Variants in FBXO9 observed in about 807,000 individuals in gnomAD.
The protein encoded by FBXO9 is F-box only protein 9.
Under a neutral mutation model 63.7 loss-of-function variants are expected in FBXO9, and 43 were observed. That is an observed-to-expected ratio of 0.67 (90% CI 0.53 to 0.87). The LOEUF is 0.87. Ranked by LOEUF, FBXO9 falls within the 40% of genes least tolerant of loss-of-function variation. FBXO9 has a pLI of 0.00. For synonymous variants in FBXO9, 156 were observed against 171.7 expected, an observed-to-expected ratio of 0.91 and a Z score of 0.72; for missense variants, 442 against 533.2, an observed-to-expected ratio of 0.83 and a Z score of 1.68.
intron 8 of FBXO9, 30 bp from the exon 9 acceptor site, chr6:53,092,704 A>ATT: frequency 6.5e-7 from 1 of 1,529,950 alleles, no homozygotes; most frequent in Non-Finnish European, 8.9e-7. Flanking sequence ...GAATATTATA[A>ATT]TTTTTAACTT....
chr6:53,066,329 G>A (rs1277047173), intron 1 of FBXO9, among the ~76,000 whole-genome samples: 4 of 152,174 alleles, frequency 2.6e-5, no homozygotes, highest in African/African-American at 4.8e-5. Context: ...GTTGGCAGGC[G>A]GTCCTGGCGG....
chr6:53,098,190 C>A lies in FBXO9; in HGVS notation c.*360C>A. ...ATGAGCAGATTTCTGTCACATAAGT[C>A]GTCTTCTGCTTGAGTATCCTAATAT... is the stretch of plus-strand genomic sequence containing the variant. On this transcript the variant is annotated 3_prime_UTR_variant, in exon 13 of 13. Coordinates refer to ENST00000323557, the MANE Select transcript of FBXO9 (RefSeq NM_033480.3). 2.6e-6 allele frequency: 1 copy of A among 378,170 alleles called. No homozygotes were observed. The allele number at this position is 378,170 out of a possible 1,614,324, so 23.4% of individuals were successfully genotyped here.
chr6:53,092,205 T>C (rs1054807244), intron 7 of FBXO9: 3 of 445,140 alleles, frequency 6.7e-6, no homozygotes, highest in Non-Finnish European at 1.2e-5. Context: ...ACTTTGTCTG[T>C]TGGTTGATTT....
At chr6:53,087,120 T>C (rs1379739125) in intron 7 of FBXO9, among the ~76,000 whole-genome samples, 2 of 152,044 alleles carry the variant, frequency 1.3e-5, no homozygotes, top group Non-Finnish European at 2.9e-5. Context: ...TGTGGATTGA[T>C]GGGTTGGACC....
In FBXO9 at chr6:53,093,950, T is replaced by A; in HGVS notation, c.1025T>A (p.Phe342Tyr). 6.4e-7 allele frequency: 1 copy of A among 1,553,750 alleles called. No individual in the cohort carries two copies. Among genetic ancestry groups the A allele is most frequent in the African/African-American group, 1.4e-5 (1 of 73,306 alleles). The change falls in exon 11 of 13, where the codon TTT becomes TAT. Residue 342 changes from phenylalanine (F) to tyrosine (Y), a missense_variant. Around this residue, in one of 2 missense-constraint regions of FBXO9, gnomAD observed 262 missense variants for 362.1 expected, o/e 0.72. Coordinates refer to ENST00000323557, the MANE Select transcript of FBXO9 (RefSeq NM_033480.3). ...SQDTDNQTKVFAVITKKKEEK... is the reference protein window; with the variant it reads ...SQDTDNQTKVYAVITKKKEEK... ...GACACAGACAATCAGACCAAAGTAT[T>A]TGCTGTAATAACTAAGAAAAAAGAA...
In FBXO9 at chr6:53,093,869, GTTT is replaced by G; in HGVS notation, c.960-6_960-4del. ...TTAATAACTGATTTAGATTCAATTTGTTTTTTTTTTTTAAGGACTGATGCAATT... is the reference window on the plus strand; with the variant it reads ...TTAATAACTGATTTAGATTCAATTTGTTTTTTTTTAAGGACTGATGCAATT... On this transcript the variant is annotated splice_polypyrimidine_tract_variant and intron_variant, in intron 10 of 12. Coordinates refer to ENST00000323557, the MANE Select transcript of FBXO9 (RefSeq NM_033480.3). 2.3e-6 allele frequency: 3 copies of G among 1,317,256 alleles called. No homozygotes were observed. The highest frequency in any genetic ancestry group is 1.5e-5 in the African/African-American group (1 of 65,580). The allele number at this position is 1,317,256 out of a possible 1,614,324, so 81.6% of individuals were successfully genotyped here. A position where few individuals can be genotyped will look rare whatever the true frequency, so the allele number is the denominator to read the frequency against.
intron 6 of FBXO9, among the ~76,000 whole-genome samples, chr6:53,081,640 C>T (rs1769316450): frequency 6.6e-6 from 1 of 152,162 alleles, no homozygotes; most frequent in Non-Finnish European, 1.5e-5. Context: ...GATGCCATAC[C>T]TTTTTCAGTA....
chr6:53,095,570 CA>C lies in FBXO9; in HGVS notation c.1112del (p.Gln371ArgfsTer56). The C allele has an allele frequency of 6.2e-7, 1 of 1,613,726 alleles. No individual in the cohort carries two copies. Among genetic ancestry groups the C allele is most frequent in the Non-Finnish European group, 8.5e-7 (1 of 1,179,774 alleles). On this transcript the variant is annotated frameshift_variant, in exon 12 of 13. Coordinates refer to ENST00000323557, the MANE Select transcript of FBXO9 (RefSeq NM_033480.3). LOFTEE classifies it high-confidence loss of function. The part of the protein sequence containing the change: ...FRRVPVQEAD[Q>X]SFHVGLQLCS... ...TCGTGTCCCTGTACAAGAAGCAGAT[CA>C]GAGTTTTCATGTGGGGCTACAGCTA...
chr6:53,079,664 A>C (rs529605962), intron 5 of FBXO9, among the ~76,000 whole-genome samples: 155 of 152,274 alleles, frequency 1.0e-3, no homozygotes, highest in African/African-American at 3.5e-3. Flanking sequence ...GTCTGTACCC[A>C]TGAGAGAATG....
intron 1 of FBXO9, 31 bp downstream of exon 1, chr6:53,065,823 G>T: frequency 7.5e-7 from 1 of 1,325,526 alleles, no homozygotes; most frequent in Non-Finnish European, 9.6e-7. Context: ...GAGGGTGGAC[G>T]CCGCGGGGCG....
At chr6:53,076,445 T>C in intron 3 of FBXO9, 41 bp from the exon 4 acceptor site, 1 of 1,340,026 alleles carries the variant, frequency 7.5e-7, no homozygotes, top group South Asian at 1.4e-5. Context: ...TACTAATTTT[T>C]AATGCAGGTT....
chr6:53,078,764 G>C, intron 4 of FBXO9, 35 bp from the exon 5 acceptor site: 1 of 1,470,968 alleles, frequency 6.8e-7, no homozygotes, highest in Non-Finnish European at 9.5e-7. Flanking sequence ...AAAAATGTGT[G>C]GTCACAGCTA....
At chr6:53,092,372 A>G (rs1007126376) in intron 7 of FBXO9, 57 bp from the exon 8 acceptor site, 7 of 1,277,122 alleles carry the variant, frequency 5.5e-6, no homozygotes, top group Non-Finnish European at 6.8e-6. Context: ...TAGCAAAAAT[A>G]TTTATGTCTA....
At chr6:53,087,521 G>T (rs555938492) in intron 7 of FBXO9, among the ~76,000 whole-genome samples, 2 of 152,148 alleles carry the variant, frequency 1.3e-5, no homozygotes, top group East Asian at 3.9e-4. Context: ...AGGCAATGGT[G>T]TATGACCTGC....
intron 4 of FBXO9, among the ~76,000 whole-genome samples, chr6:53,077,761 G>T (rs1054368790): frequency 6.6e-6 from 1 of 152,070 alleles, no homozygotes; most frequent in African/African-American, 2.4e-5. Context: ...TTTTAGAAAG[G>T]CCCAGTTGAT....
At chr6:53,082,698 A>T in intron 7 of FBXO9, 80 bp downstream of exon 7, 1 of 984,042 alleles carries the variant, frequency 1.0e-6, no homozygotes, top group Non-Finnish European at 1.5e-6. Context: ...ATCCTGATAA[A>T]ATTACTTGAT....
At position 53,100,328 on chromosome 6, in the gene FBXO9, GA is replaced by G. The variant is rs1763316387; in HGVS notation, c.*2502del. On this transcript the variant is annotated 3_prime_UTR_variant, in exon 13 of 13. Coordinates refer to ENST00000323557, the MANE Select transcript of FBXO9 (RefSeq NM_033480.3). ...AGGACATTACAGAAACCAATACTATGAAAAGCTGACAGCAGTATCTGGATTA... is the reference window on the plus strand; with the variant it reads ...AGGACATTACAGAAACCAATACTATGAAAGCTGACAGCAGTATCTGGATTA... 1.3e-5 allele frequency: 2 copies of G among 152,144 alleles called. No individual in the cohort carries two copies. The highest frequency in any genetic ancestry group is 3.2e-3 in the Middle Eastern group (1 of 316). The allele number at this position is 152,144 out of a possible 1,614,324, so 9.4% of individuals were successfully genotyped here.
chr6:53,080,155 C>CT (rs544667929), intron 5 of FBXO9, among the ~76,000 whole-genome samples: 470 of 148,274 alleles, frequency 3.2e-3, no homozygotes, highest in African/African-American at 9.0e-3. Flanking sequence ...AAGGATTCAT[C>CT]TTTTTTTTTT....
At chr6:53,088,921 T>A (rs1762966773) in intron 7 of FBXO9, among the ~76,000 whole-genome samples, 1 of 149,812 alleles carries the variant, frequency 6.7e-6, no homozygotes, top group Non-Finnish European at 1.5e-5. Flanking sequence ...TTTCTTTCTT[T>A]CTTTGTTTTT....
Sources: allele counts gnomAD v4.1 joint callset (sites outside exome capture counted in the v4.1 genomes callset), GRCh38; gene constraint gnomAD v4.1.1; regional missense constraint gnomAD v4.1.1; transcripts MANE v1.5; gene names NCBI Gene and HGNC (gene_info 2026-07-23, HGNC 2026-07-21).